Variants in LHFPL2 observed in about 807,000 individuals in gnomAD.
LHFPL2 encodes LHFPL tetraspan subfamily member 2.
Under a neutral mutation model 17.5 loss-of-function variants are expected in LHFPL2, and 7 were observed. That is an observed-to-expected ratio of 0.40 (90% CI 0.23 to 0.75). The LOEUF (loss-of-function observed/expected upper bound fraction) is 0.75, where lower values mean the gene tolerates loss of function less well. Ranked by LOEUF, LHFPL2 falls within the 30% of genes least tolerant of loss-of-function variation. The pLI is 0.37. For synonymous variants in LHFPL2, 134 were observed against 116.2 expected (o/e 1.15, Z -0.99); for missense variants, 241 against 294.8 (o/e 0.82, Z 1.34).
chr5:78,520,098 C>T (rs574305467), intron 3 of LHFPL2, among the ~76,000 whole-genome samples: 17 of 152,208 alleles, frequency 1.1e-4, no homozygotes, highest in African/African-American at 3.6e-4. Context: ...AAACTGTGCA[C>T]GGAGAGCCAG....
chr5:78,577,458 T>C (rs1757161616), intron 2 of LHFPL2, among the ~76,000 whole-genome samples: 2 of 152,202 alleles, frequency 1.3e-5, no homozygotes, highest in Admixed American at 6.5e-5. Context: ...TCTCAACATT[T>C]TTTTTAAGTT....
chr5:78,553,717 A>G (rs993452781), intron 3 of LHFPL2, among the ~76,000 whole-genome samples: 1 of 152,192 alleles, frequency 6.6e-6, no homozygotes, highest in Admixed American at 6.5e-5. Context: ...TCCCCAAGTA[A>G]TGAAGGTAGC....
intron 2 of LHFPL2, among the ~76,000 whole-genome samples, chr5:78,570,873 C>T (rs1756982367): frequency 6.6e-6 from 1 of 152,062 alleles, no homozygotes; most frequent in South Asian, 2.1e-4. Flanking sequence ...GCTGTAAGTG[C>T]TGACAAGCGC....
rs371871249 is a variant in LHFPL2 at position 78,566,087 on chromosome 5, G to T, written c.-244-1216C>A. Among the ~76,000 whole-genome samples the T allele has an allele frequency of 3.3e-4, 50 of 152,248 alleles. No homozygotes were observed. In the East Asian group the frequency reaches 6.0e-3, roughly 18 times the overall value. ...TGTATAAATATGTAATTCCACATAA[G>T]GTAAATTAAACAGAAAATATTCAAC... On this transcript the variant is annotated intron_variant, in intron 2 of 4. Coordinates refer to ENST00000380345, the MANE Select transcript of LHFPL2 (RefSeq NM_005779.3).
At chr5:78,637,746 C>T (rs1033491143) in intron 1 of LHFPL2, among the ~76,000 whole-genome samples, 10 of 152,204 alleles carry the variant, frequency 6.6e-5, no homozygotes, top group South Asian at 2.1e-4. Flanking sequence ...GGAAGCATCA[C>T]GGAGAGAGCT....
At chr5:78,602,942 G>A (rs1744072375) in intron 2 of LHFPL2, among the ~76,000 whole-genome samples, 1 of 152,172 alleles carries the variant, frequency 6.6e-6, no homozygotes, top group South Asian at 2.1e-4. Context: ...CCAGGCTAGA[G>A]TGCAGTGGTG....
chr5:78,553,758 C>T (rs768532070), intron 3 of LHFPL2, among the ~76,000 whole-genome samples: 17 of 152,290 alleles, frequency 1.1e-4, no homozygotes, highest in Middle Eastern at 3.4e-3. Context: ...CACAGACTTC[C>T]GTCAGATTTT....
chr5:78,491,147 T>C (rs1156870007), intron 4 of LHFPL2: 1 of 152,192 alleles, frequency 6.6e-6, no homozygotes, highest in Non-Finnish European at 1.5e-5. Context: ...TACCAGGGCA[T>C]TTTGGGATTT....
At chr5:78,642,101 C>G (rs559077931) in intron 1 of LHFPL2, 3 of 152,280 alleles carry the variant, frequency 2.0e-5, no homozygotes, top group African/African-American at 7.2e-5. Flanking sequence ...AGACAGTCGC[C>G]TTTTTGCTGC....
chr5:78,558,244 T>C (rs1463737567), intron 3 of LHFPL2, among the ~76,000 whole-genome samples: 1 of 152,178 alleles, frequency 6.6e-6, no homozygotes, highest in South Asian at 2.1e-4. Context: ...TATAAAAGCA[T>C]ACATTCGTTA....
chr5:78,544,220 G>A (rs1279350653), intron 3 of LHFPL2, among the ~76,000 whole-genome samples: 8 of 152,208 alleles, frequency 5.3e-5, no homozygotes, highest in Admixed American at 1.3e-4. Flanking sequence ...CCCAGCTGCT[G>A]TAGACAGTAA....
At chr5:78,578,469 A>C (rs1349653031) in intron 2 of LHFPL2, among the ~76,000 whole-genome samples, 1 of 152,076 alleles carries the variant, frequency 6.6e-6, no homozygotes, top group East Asian at 1.9e-4. Context: ...GGGTTTAGTT[A>C]ATTTCCTTCT....
chr5:78,549,046 C>T (rs1280922930), intron 3 of LHFPL2: 1 of 152,198 alleles, frequency 6.6e-6, no homozygotes, highest in Non-Finnish European at 1.5e-5. Flanking sequence ...CTCACAATCC[C>T]AGGGTTCGGC....
intron 2 of LHFPL2, among the ~76,000 whole-genome samples, chr5:78,582,589 A>G (rs1466973849): frequency 4.6e-5 from 7 of 150,932 alleles, no homozygotes; most frequent in Non-Finnish European, 8.9e-5. Context: ...CATGTAGTTG[A>G]GCGGTTTTGA....
At chr5:78,628,912 A>G (rs779758497) in intron 2 of LHFPL2, among the ~76,000 whole-genome samples, 10 of 152,208 alleles carry the variant, frequency 6.6e-5, no homozygotes, top group Non-Finnish European at 1.0e-4. Context: ...GCATCAATGG[A>G]GGAGGTCTGA....
intron 3 of LHFPL2, among the ~76,000 whole-genome samples, chr5:78,540,205 T>A (rs1172778695): frequency 6.6e-6 from 1 of 152,260 alleles, no homozygotes; most frequent in Non-Finnish European, 1.5e-5. Flanking sequence ...AGACATGTTT[T>A]ATGTTAACTG....
chr5:78,511,131 T>C (rs936277852), intron 3 of LHFPL2, among the ~76,000 whole-genome samples: 2 of 151,794 alleles, frequency 1.3e-5, no homozygotes, highest in Non-Finnish European at 2.9e-5. Flanking sequence ...TAAGAGTTCA[T>C]GACTTACTTG....
chr5:78,574,683 T>C (rs957013519), intron 2 of LHFPL2, among the ~76,000 whole-genome samples: 6 of 152,250 alleles, frequency 3.9e-5, no homozygotes, highest in African/African-American at 1.4e-4. Flanking sequence ...CTACAATTGA[T>C]TGAAGTCCTT....
intron 3 of LHFPL2, among the ~76,000 whole-genome samples, chr5:78,537,798 G>C (rs907798958): frequency 2.0e-5 from 3 of 152,214 alleles, no homozygotes; most frequent in Admixed American, 1.3e-4. Flanking sequence ...CTTCCCAGAT[G>C]ATAGAGGTAT....
Sources: gnomAD v4.1 joint callset for allele counts (sites outside exome capture counted in the v4.1 genomes callset) on GRCh38, gnomAD v4.1.1 for gene constraint, MANE v1.5 for transcripts, NCBI Gene and HGNC (gene_info 2026-07-23, HGNC 2026-07-21) for gene names.